CDC42BPB: variants seen among roughly 807,000 people sequenced by gnomAD.
CDC42BPB encodes CDC42 binding protein kinase beta.
CDC42BPB carries 37 observed loss-of-function variants against 214.9 expected under a neutral mutation model. The ratio of observed to expected loss-of-function variants is 0.17; its 90% CI spans 0.13 to 0.23. The LOEUF (loss-of-function observed/expected upper bound fraction) is 0.23. CDC42BPB is among the 10% of genes least tolerant of loss of function. The probability of loss-of-function intolerance (pLI) is 1.00; values close to 1 mark genes in which losing one functional copy is unlikely to be tolerated. For missense variants in CDC42BPB, 1,694 were observed against 2,227.0 expected (o/e 0.76, Z 4.82); for synonymous variants, 931 against 884.0 (o/e 1.05, Z -0.94).
intron 5 of CDC42BPB, among the ~76,000 whole-genome samples, chr14:102,987,788 A>AACAC (rs57579935): frequency 0.27 from 37,718 of 140,584 alleles, 5,261 homozygotes; most frequent in South Asian, 0.4. Flanking sequence ...CAAACACACA[A>AACAC]ACACACACAC....
At chr14:103,047,217 G>C (rs576375483) in intron 1 of CDC42BPB, among the ~76,000 whole-genome samples, 2 of 148,592 alleles carry the variant, frequency 1.3e-5, no homozygotes, top group African/African-American at 5.0e-5. Context: ...CTGGGAGGCG[G>C]AGGTTCCTGT....
intron 24 of CDC42BPB, 150 bp downstream of exon 24, chr14:102,952,348 T>TA (rs1417393133): frequency 1.3e-4 from 80 of 593,772 alleles, no homozygotes; most frequent in Middle Eastern, 4.6e-4. Context: ...CCACTCCCCC[T>TA]AAAAAAAACC....
chr14:103,005,644 A>G (rs988079828), intron 3 of CDC42BPB, among the ~76,000 whole-genome samples: 2 of 152,170 alleles, frequency 1.3e-5, no homozygotes, highest in Admixed American at 6.5e-5. Flanking sequence ...AGCTGAGATC[A>G]TGCCACTGTA....
intron 11 of CDC42BPB, 47 bp from the exon 12 acceptor site, chr14:102,974,196 A>C (rs764342422): frequency 3.8e-6 from 6 of 1,596,028 alleles, no homozygotes; most frequent in Middle Eastern, 1.7e-4. Flanking sequence ...TGCAATGACT[A>C]TATGTAAACT....
intron 18 of CDC42BPB, 178 bp from the exon 19 acceptor site, chr14:102,964,828 C>T (rs951829091): frequency 1.1e-6 from 1 of 897,172 alleles, no homozygotes; most frequent in Non-Finnish European, 1.3e-6. Context: ...ACTTTTTTTA[C>T]TCTTCCTCAG....
At chr14:102,989,656 T>C (rs1894401906) in intron 5 of CDC42BPB, among the ~76,000 whole-genome samples, 1 of 152,098 alleles carries the variant, frequency 6.6e-6, no homozygotes, top group African/African-American at 2.4e-5. Context: ...AAGGATCGCC[T>C]GAGGTTGGGA....
At position 102,960,756 on chromosome 14, in the gene CDC42BPB, T is replaced by G. The variant is rs902652635; in HGVS notation, c.2822-1046A>C. Among the ~76,000 whole-genome samples the G allele has an allele frequency of 2.6e-5, 4 of 152,028 alleles. No individual in the cohort carries two copies. The East Asian group carries it at 7.7e-4, about 29-fold the overall frequency. On this transcript the variant is annotated intron_variant, in intron 20 of 36. Transcript: ENST00000361246. ...TCATACATAAAACCAGCAGGAAAAA[T>G]AGCTTAATAACTGGTATTGGACAAC...
Position 102,954,663 on chromosome 14 carries a change from G to A in CDC42BPB, c.2927C>T (p.Thr976Ile), listed in dbSNP as rs1324585188. The A allele has an allele frequency of 4.3e-6, 7 of 1,613,966 alleles. No individual in the cohort carries two copies. Among genetic ancestry groups the A allele is most frequent in the East Asian group, 2.2e-5 (1 of 44,878 alleles). The change falls in exon 22 of 37, where the codon ACA becomes ATA. Residue 976 changes from threonine to isoleucine, a missense_variant. Thr to Ile is a moderately conservative substitution (Grantham distance 89). Around this residue, in one of 7 missense-constraint regions of CDC42BPB, gnomAD observed 156 missense variants for 154.5 expected, o/e 1.01. Transcript: ENST00000361246. The stretch of plus-strand genomic sequence containing the variant: ...GGACGCTTCTGGCTTCGGAGCTTGT[G>A]TTTCTTGCTCACTAGCTGAGCTGGT... The part of the protein sequence containing the change: ...FRTSSASEQE[T>I]QAPKPEASPS...
chr14:103,037,246 G>A (rs966755755), intron 1 of CDC42BPB, among the ~76,000 whole-genome samples: 8 of 152,100 alleles, frequency 5.3e-5, no homozygotes, highest in African/African-American at 9.7e-5. Flanking sequence ...TTCACTTTTC[G>A]TGGCATACCT....
At chr14:102,945,842 C>T in intron 28 of CDC42BPB, 118 bp from the exon 29 acceptor site, 1 of 814,642 alleles carries the variant, frequency 1.2e-6, no homozygotes, top group Non-Finnish European at 2.1e-6. Context: ...GATGAGAATA[C>T]AGCATTCCAG....
At chr14:102,982,462 A>G (rs1894046994) in intron 7 of CDC42BPB, among the ~76,000 whole-genome samples, 1 of 152,112 alleles carries the variant, frequency 6.6e-6, no homozygotes, top group Admixed American at 6.5e-5. Flanking sequence ...AGAGGGTGAA[A>G]TCGGCATTAG....
chr14:102,950,779 A>T (rs1458050626), intron 24 of CDC42BPB, 177 bp from the exon 25 acceptor site: 12 of 643,624 alleles, frequency 1.9e-5, no homozygotes, highest in Non-Finnish European at 2.3e-5. Flanking sequence ...CAGCCTGGCC[A>T]ACATGGTGAA....
rs1331742285 is a variant in CDC42BPB, at chr14:102,980,152, G to C, written c.1140+621C>G. Among the ~76,000 whole-genome samples the C allele has an allele frequency of 8.5e-5, 13 of 152,354 alleles. No homozygotes were observed. The East Asian group carries it at 2.3e-3, about 27-fold the overall frequency. Reference sequence around the variant, plus strand: ...CTAAAAAACCTAAAATGTGGTGACAGGGTCACAGTGAAGCTCTAATACAAT... The same window carrying C: ...CTAAAAAACCTAAAATGTGGTGACACGGTCACAGTGAAGCTCTAATACAAT... On this transcript the variant is annotated intron_variant, in intron 8 of 36. Transcript: ENST00000361246.
chr14:103,046,363 A>G (rs970312058), intron 1 of CDC42BPB, among the ~76,000 whole-genome samples: 26 of 152,106 alleles, frequency 1.7e-4, no homozygotes, highest in African/African-American at 5.8e-4. Context: ...CTCAACACTT[A>G]AAGTCGGCCC....
At chr14:102,960,781 C>T (rs965360900) in intron 20 of CDC42BPB, among the ~76,000 whole-genome samples, 1 of 152,136 alleles carries the variant, frequency 6.6e-6, no homozygotes, top group Admixed American at 6.5e-5. Context: ...TATTGGACAA[C>T]CAGCTAGCCA....
intron 1 of CDC42BPB, among the ~76,000 whole-genome samples, chr14:103,029,052 A>AT (rs1273056830): frequency 6.6e-6 from 1 of 152,220 alleles, no homozygotes; most frequent in African/African-American, 2.4e-5. Flanking sequence ...TATGTCAGGA[A>AT]TACTATGGTG....
rs755239126 is a variant in CDC42BPB at position 102,950,621 on chromosome 14, A to G, written c.3173-19T>C. On this transcript the variant is annotated intron_variant, in intron 24 of 36. Transcript: ENST00000361246. ...GAACACACTGGAAGAGAGCAAGAAC[A>G]CTGCCTTCAAAGCTTGCTGCCTACA... 2 of 1,541,198 alleles carry G rather than the reference A, an allele frequency of 1.3e-6. No individual in the cohort carries two copies. The highest frequency in any genetic ancestry group is 1.8e-6 in the Non-Finnish European group (2 of 1,142,084).
chr14:102,996,752 T>A (rs1361234112), intron 5 of CDC42BPB, among the ~76,000 whole-genome samples: 1 of 143,538 alleles, frequency 7.0e-6, no homozygotes, highest in African/African-American at 2.6e-5. Flanking sequence ...GTGGAGATTA[T>A]AGTGAGCTGA....
chr14:103,008,009 A>C (rs1460854448), intron 3 of CDC42BPB, among the ~76,000 whole-genome samples: 1 of 152,174 alleles, frequency 6.6e-6, no homozygotes, highest in Non-Finnish European at 1.5e-5. Flanking sequence ...GCCACCAAGA[A>C]GACTGACACG....
Sources: gnomAD v4.1 joint callset for allele counts (sites outside exome capture counted in the v4.1 genomes callset) on GRCh38, gnomAD v4.1.1 for gene constraint, gnomAD v4.1.1 regional missense constraint, MANE v1.5 for transcripts, NCBI Gene and HGNC (gene_info 2026-07-23, HGNC 2026-07-21) for gene names.